CKAP5: variants seen among roughly 807,000 people sequenced by gnomAD.
CKAP5 encodes the protein cytoskeleton associated protein 5, also known as cytoskeleton-associated protein 5.
A neutral mutation model predicts 232.8 loss-of-function variants in CKAP5; 27 were observed. The ratio of observed to expected loss-of-function variants is 0.12; its 90% CI spans 0.09 to 0.16. CKAP5 has a LOEUF of 0.16. CKAP5 is among the 10% of genes least tolerant of loss of function. The pLI is 1.00. For missense variants in CKAP5, 1,838 were observed against 2,424.7 expected (o/e 0.76, Z 5.08); for synonymous variants, 785 against 841.1 (o/e 0.93, Z 1.16).
In CKAP5 at chr11:46,777,331, T is replaced by C. The variant is rs962455849; in HGVS notation, c.2862+108A>G. On this transcript the variant is annotated intron_variant, in intron 23 of 43. Transcript: ENST00000529230. ...TTTTCTTCTAATATTTTCATCTTTA[T>C]AAAGTTTATCAGGTCTTTACATGAC... 4.8e-6 allele frequency: 3 copies of C among 627,676 alleles called. No homozygotes were observed. The East Asian group carries it at 8.4e-5, about 18-fold the overall frequency. The allele number at this position is 627,676 out of a possible 1,614,324, so 38.9% of individuals were successfully genotyped here.
chr11:46,835,184 A>G (rs561001810), intron 1 of CKAP5, among the ~76,000 whole-genome samples: 8 of 152,258 alleles, frequency 5.3e-5, no homozygotes, highest in Admixed American at 5.2e-4. Flanking sequence ...AGAGAAGTCA[A>G]TAAAATAAAA....
At chr11:46,799,053 G>A (rs541350768) in intron 9 of CKAP5, among the ~76,000 whole-genome samples, 2 of 152,320 alleles carry the variant, frequency 1.3e-5, no homozygotes, top group African/African-American at 2.4e-5. Flanking sequence ...ACGTGGGAGT[G>A]CAGTGGGATG....
intron 6 of CKAP5, 84 bp downstream of exon 6, chr11:46,809,658 A>C: frequency 6.6e-7 from 1 of 1,515,914 alleles, no homozygotes; most frequent in Middle Eastern, 1.7e-4. Flanking sequence ...CAATCCTACA[A>C]AATATGCCTA....
chr11:46,791,232 T>A (rs1236477266), intron 13 of CKAP5, among the ~76,000 whole-genome samples: 2 of 150,766 alleles, frequency 1.3e-5, no homozygotes, highest in Non-Finnish European at 2.9e-5. Context: ...TTATTTTTTT[T>A]ACATTTATTT....
chr11:46,816,145 C>CA, intron 4 of CKAP5, 53 bp downstream of exon 4: 2 of 1,467,510 alleles, frequency 1.4e-6, no homozygotes, highest in Non-Finnish European at 1.9e-6. Flanking sequence ...TCCCTGGTGC[C>CA]AAAAAGGTTG....
chr11:46,778,675 G>T (rs999128371), intron 20 of CKAP5, 76 bp from the exon 21 acceptor site: 7 of 1,223,250 alleles, frequency 5.7e-6, no homozygotes, highest in Non-Finnish European at 8.3e-6. Context: ...GAGGGTGCCT[G>T]TGTCAAACTC....
chr11:46,811,229 A>G (rs760264362), intron 4 of CKAP5, 51 bp from the exon 5 acceptor site: 1 of 1,421,174 alleles, frequency 7.0e-7, no homozygotes, highest in East Asian at 2.3e-5. Flanking sequence ...GCAATTAAAT[A>G]AAGCATTAGC....
intron 33 of CKAP5, 142 bp downstream of exon 33, chr11:46,760,470 T>C: frequency 5.0e-6 from 4 of 794,636 alleles, no homozygotes; most frequent in Admixed American, 2.3e-5. Context: ...AATCAAACAT[T>C]TGGTTACAAT....
At position 46,759,415 on chromosome 11, in the gene CKAP5, A is replaced by G; in HGVS notation, c.4422T>C (p.Pro1474=). The change falls in exon 34 of 44, where the codon CCT becomes CCC. Residue 1474 remains proline, a synonymous_variant. Coordinates refer to ENST00000529230, the MANE Select transcript of CKAP5 (RefSeq NM_001008938.4). ...CTCGGCGGACCATCTGGGCTGCCTC[A>G]GGATGCCCACTCATGCTTCGGGCTT... The part of the protein sequence containing the change: ...LNQARSMSGH[P]EAAQMVRREF... 1 of 1,613,974 alleles carries G rather than the reference A, an allele frequency of 6.2e-7. No homozygotes were observed. The highest frequency in any genetic ancestry group is 8.5e-7 in the Non-Finnish European group (1 of 1,179,974).
intron 1 of CKAP5, chr11:46,826,654 T>C (rs1410484370): frequency 2.0e-5 from 3 of 152,338 alleles, no homozygotes; most frequent in African/African-American, 7.2e-5. Context: ...GTTTACGCTC[T>C]TTCGCCGCCT....
Position 46,795,757 on chromosome 11 carries a change from T to G in CKAP5, c.1487A>C (p.Lys496Thr). Residue 496 changes from lysine to threonine, a missense_variant, in exon 13 of 44, where the codon AAG becomes ACG. This residue lies in a region of CKAP5 where 767 missense variants were observed against 954.6 expected (regional missense o/e 0.80). Coordinates refer to ENST00000529230, the MANE Select transcript of CKAP5 (RefSeq NM_001008938.4). Reference protein sequence around the residue: ...KLDKIKECSEKVELIHGKKAG... With the variant: ...KLDKIKECSETVELIHGKKAG... ...TTTCTTACCATGTATCAGTTCTACCTTTTCTGAACATTCTTTGATCTGGAG... is the reference window on the plus strand; with the variant it reads ...TTTCTTACCATGTATCAGTTCTACCGTTTCTGAACATTCTTTGATCTGGAG... 1 of 1,613,192 alleles carries G rather than the reference T, an allele frequency of 6.2e-7. No individual in the cohort carries two copies. The highest frequency in any genetic ancestry group is 8.5e-7 in the Non-Finnish European group (1 of 1,179,678).
At chr11:46,821,627 A>G (rs1393634481) in intron 1 of CKAP5, among the ~76,000 whole-genome samples, 2 of 151,770 alleles carry the variant, frequency 1.3e-5, no homozygotes, top group Non-Finnish European at 2.9e-5. Flanking sequence ...GGGCTTCACC[A>G]TGTTAGCCAG....
chr11:46,811,534 T>TG (rs1167281752), intron 4 of CKAP5, among the ~76,000 whole-genome samples: 5 of 152,224 alleles, frequency 3.3e-5, no homozygotes, highest in Non-Finnish European at 7.3e-5. Context: ...TAGAGTGGTA[T>TG]GGCATGATTG....
At chr11:46,815,444 G>C (rs768864849) in intron 4 of CKAP5, among the ~76,000 whole-genome samples, 1 of 152,022 alleles carries the variant, frequency 6.6e-6, no homozygotes, top group East Asian at 1.9e-4. Flanking sequence ...AGAACTTCTA[G>C]ACTCAAGAGA....
chr11:46,840,697 A>C (rs891079780), intron 1 of CKAP5, among the ~76,000 whole-genome samples: 3 of 152,176 alleles, frequency 2.0e-5, no homozygotes, highest in Admixed American at 6.5e-5. Flanking sequence ...CTCTTCCCCT[A>C]TACCTCACCC....
chr11:46,744,491 C>T lies in CKAP5; in HGVS notation c.5791G>A (p.Gly1931Arg), dbSNP rs1484022279. The T allele has an allele frequency of 1.2e-6, 2 of 1,613,990 alleles. No homozygotes were observed. Among genetic ancestry groups the T allele is most frequent in the Non-Finnish European group, 1.7e-6 (2 of 1,180,028 alleles). Residue 1931 changes from glycine to arginine, a missense_variant, in exon 43 of 44, where the codon GGG becomes AGG. By Grantham distance (125) the Gly-to-Arg change is moderately radical. Around this residue, in one of 6 missense-constraint regions of CKAP5, gnomAD observed 579 missense variants for 843.2 expected, o/e 0.69. Transcript: ENST00000529230. ...AGCCTTTCCAAGTAGACAGATGGCC[C>T]CACTTCTTCCCCATTTGTGTTACCT... ...SIGNTNGEEVGPSVYLERLKI... is the reference protein window; with the variant it reads ...SIGNTNGEEVRPSVYLERLKI...
At chr11:46,769,612 C>G (rs896878959) in intron 26 of CKAP5, among the ~76,000 whole-genome samples, 2 of 152,024 alleles carry the variant, frequency 1.3e-5, no homozygotes, top group African/African-American at 4.8e-5. Flanking sequence ...AGAAGGAACA[C>G]TTGAGCCCAG....
chr11:46,815,170 C>G (rs1423266731), intron 4 of CKAP5, among the ~76,000 whole-genome samples: 2 of 152,216 alleles, frequency 1.3e-5, no homozygotes, highest in East Asian at 3.9e-4. Flanking sequence ...CCTGCCTCAG[C>G]CTTCCGAGTA....
Position 46,758,908 on chromosome 11 carries a change from G to A in CKAP5, c.4689+15C>T, listed in dbSNP as rs201111540. Reference sequence around the variant, plus strand: ...TCCACCAATGGAATCCCTGTCACGGGAGCACACCCATTACCTGTGTCAGAG... The same window carrying A: ...TCCACCAATGGAATCCCTGTCACGGAAGCACACCCATTACCTGTGTCAGAG... On this transcript the variant is annotated intron_variant, in intron 35 of 43. Coordinates refer to ENST00000529230, the MANE Select transcript of CKAP5 (RefSeq NM_001008938.4). 10 of 1,613,262 alleles carry A rather than the reference G, an allele frequency of 6.2e-6. No individual in the cohort carries two copies. The Admixed American group carries it at 1.2e-4, about 19-fold the overall frequency.
Sources: allele counts gnomAD v4.1 joint callset (sites outside exome capture counted in the v4.1 genomes callset), GRCh38; gene constraint gnomAD v4.1.1; regional missense constraint gnomAD v4.1.1; transcripts MANE v1.5; gene names NCBI Gene and HGNC (gene_info 2026-07-23, HGNC 2026-07-21).